C3orf22: variants seen among roughly 807,000 people sequenced by gnomAD.
The protein encoded by C3orf22 is uncharacterized protein C3orf22.
Under a neutral mutation model 10.8 loss-of-function variants are expected in C3orf22, and 7 were observed. The ratio of observed to expected loss-of-function variants is 0.65; its 90% confidence interval spans 0.37 to 1.22. C3orf22 has a LOEUF of 1.22. Ranked by LOEUF, C3orf22 falls within the 50% of genes most tolerant of loss-of-function variation. The probability of loss-of-function intolerance (pLI) is 0.02; values close to 1 mark genes in which losing one functional copy is unlikely to be tolerated. For synonymous variants in C3orf22, 79 were observed against 78.9 expected (o/e 1.00, Z 0.00); for missense variants, 173 against 177.0 (o/e 0.98, Z 0.13).
chr3:126,537,639 G>C (rs187128839), intron 4 of C3orf22, among the ~76,000 whole-genome samples: 1 of 152,300 alleles, frequency 6.6e-6, no homozygotes, highest in African/African-American at 2.4e-5. Context: ...TAGGGCCCTG[G>C]GTTCCACTAG....
At chr3:126,539,460 C>T (rs367782540) in intron 4 of C3orf22, among the ~76,000 whole-genome samples, 1 of 151,274 alleles carries the variant, frequency 6.6e-6, no homozygotes, top group East Asian at 1.9e-4. Flanking sequence ...ACCACAAACA[C>T]ACCACACACA....
rs539834136 is a variant in C3orf22, at chr3:126,550,573, G to A, written c.216-495C>T. ...GGCTTGACTGTCTCCGCAGCTCCCC[G>A]ACAGGATGGCGTGGGAAAGCTCCCT... On this transcript the variant is annotated intron_variant, in intron 3 of 3. Coordinates refer to ENST00000318225, the MANE Select transcript of C3orf22 (RefSeq NM_152533.3). 2.0e-4 allele frequency among the ~76,000 whole-genome samples: 30 copies of A among 152,256 alleles called. No individual in the cohort carries two copies. The South Asian group carries it at 3.5e-3, about 18-fold the overall frequency.
chr3:126,541,959 G>A, intron 4 of C3orf22: 1 of 1,585,280 alleles, frequency 6.3e-7, no homozygotes, highest in South Asian at 1.1e-5. Context: ...GGCGACCCGC[G>A]CGCCATCTCC....
At chr3:126,539,147 G>A (rs1048786850) in intron 4 of C3orf22, among the ~76,000 whole-genome samples, 1 of 152,052 alleles carries the variant, frequency 6.6e-6, no homozygotes, top group Non-Finnish European at 1.5e-5. Context: ...GAAGAAGGGA[G>A]AATAGTTCAA....
chr3:126,536,896 AACACACACAC>A (rs10670471), intron 4 of C3orf22, among the ~76,000 whole-genome samples: 5 of 140,490 alleles, frequency 3.6e-5, no homozygotes, highest in South Asian at 2.5e-4. Context: ...CACACACACA[AACACACACAC>A]ACACACACAC....
At chr3:126,550,388 T>G (rs889795185) in intron 3 of C3orf22, among the ~76,000 whole-genome samples, 2 of 152,120 alleles carry the variant, frequency 1.3e-5, no homozygotes, top group Non-Finnish European at 2.9e-5. Flanking sequence ...TGGTCTCAAG[T>G]CCTGCCCAAC....
intron 4 of C3orf22, chr3:126,529,407 C>A: frequency 7.8e-7 from 1 of 1,288,476 alleles, no homozygotes. Flanking sequence ...GGTGTCAGGA[C>A]AAGGGGGCAC....
At chr3:126,549,454 C>T, downstream of C3orf22, 1 of 449,154 alleles carries the variant, frequency 2.2e-6, no homozygotes. Flanking sequence ...TAGCAGTTTC[C>T]TGTGAGTGTT....
At chr3:126,538,826 C>T (rs1251849173) in intron 4 of C3orf22, among the ~76,000 whole-genome samples, 2 of 152,170 alleles carry the variant, frequency 1.3e-5, no homozygotes, top group Admixed American at 6.5e-5. Context: ...TCTTATTTCA[C>T]TTAGCATGAT....
At chr3:126,544,799 C>A (rs1937038724), downstream of C3orf22, among the ~76,000 whole-genome samples, 1 of 152,248 alleles carries the variant, frequency 6.6e-6, no homozygotes, top group Non-Finnish European at 1.5e-5. Flanking sequence ...GGCAGCTACT[C>A]CACTGCTTCC....
intron 4 of C3orf22, among the ~76,000 whole-genome samples, chr3:126,535,960 C>T (rs1251494959): frequency 6.6e-6 from 1 of 152,232 alleles, no homozygotes; most frequent in Non-Finnish European, 1.5e-5. Flanking sequence ...TTTGGGTGAT[C>T]TGGCCTTTCC....
chr3:126,552,430 G>A (rs915499625), intron 2 of C3orf22, among the ~76,000 whole-genome samples: 5 of 152,112 alleles, frequency 3.3e-5, no homozygotes, highest in Admixed American at 1.3e-4. Context: ...GCCTCCCCTG[G>A]TTTCAACCTG....
chr3:126,530,486 A>G (rs1312407692), intron 4 of C3orf22, among the ~76,000 whole-genome samples: 1 of 152,114 alleles, frequency 6.6e-6, no homozygotes, highest in Non-Finnish European at 1.5e-5. Flanking sequence ...CCCACAGAAC[A>G]CAGGCTGCTG....
chr3:126,555,649 A>G (rs930845768), intron 1 of C3orf22, among the ~76,000 whole-genome samples: 1 of 151,992 alleles, frequency 6.6e-6, no homozygotes, highest in Non-Finnish European at 1.5e-5. Flanking sequence ...TCATCCCCAA[A>G]CCAGCCACCA....
At chr3:126,547,470 C>T (rs749587987), downstream of C3orf22, among the ~76,000 whole-genome samples, 10 of 152,328 alleles carry the variant, frequency 6.6e-5, no homozygotes, top group East Asian at 7.7e-4. Context: ...TTCCTTTAAA[C>T]GCCCAGGAGA....
downstream of C3orf22, among the ~76,000 whole-genome samples, chr3:126,549,261 C>A (rs11713346): frequency 0.054 from 7,871 of 144,488 alleles, 466 homozygotes; most frequent in African/African-American, 0.13. Context: ...GCCCCCCCCC[C>A]CACACACACA....
chr3:126,558,234 C>T (rs1206004845), intron 1 of C3orf22, among the ~76,000 whole-genome samples: 1 of 152,180 alleles, frequency 6.6e-6, no homozygotes, highest in East Asian at 1.9e-4. Context: ...AACTGAGGCT[C>T]CGGAAAGTTA....
At chr3:126,532,308 T>G (rs1359592779) in intron 4 of C3orf22, among the ~76,000 whole-genome samples, 2 of 152,260 alleles carry the variant, frequency 1.3e-5, no homozygotes, top group Non-Finnish European at 2.9e-5. Context: ...TTTGTTGTTT[T>G]GTGCTTTTGG....
At chr3:126,552,269 G>A in intron 2 of C3orf22, 147 bp from the exon 3 acceptor site, 1 of 1,291,652 alleles carries the variant, frequency 7.7e-7, no homozygotes, top group Non-Finnish European at 1.1e-6. Flanking sequence ...AGCATGCTGT[G>A]AGGCAGGTGT....
Sources: allele counts gnomAD v4.1 joint callset (sites outside exome capture counted in the v4.1 genomes callset), GRCh38; gene constraint gnomAD v4.1.1; transcripts MANE v1.5; gene names NCBI Gene and HGNC (gene_info 2026-07-23, HGNC 2026-07-21).